LIMS1: variants seen among roughly 807,000 people sequenced by gnomAD.
LIMS1 encodes the protein LIM zinc finger domain containing 1, also known as LIM and senescent cell antigen-like-containing domain protein 1.
A neutral mutation model predicts 44.1 loss-of-function variants in LIMS1; 18 were observed. That is an observed-to-expected ratio of 0.41 (90% CI 0.28 to 0.61). LIMS1 has a LOEUF of 0.61. LIMS1 is among the 20% of genes least tolerant of loss of function. The probability of loss-of-function intolerance (pLI) is 0.32; values close to 1 mark genes in which losing one functional copy is unlikely to be tolerated. For missense variants in LIMS1, 201 were observed against 422.0 expected (o/e 0.48, Z 4.59); for synonymous variants, 93 against 149.1 (o/e 0.62, Z 2.74).
intron 2 of LIMS1, chr2:108,662,545 C>A (rs1473710370): frequency 3.2e-5 from 40 of 1,257,466 alleles, no homozygotes; most frequent in Non-Finnish European, 4.2e-5. Context: ...ACTATTTTGG[C>A]TAAATTGTTT....
At chr2:108,588,567 G>A in intron 1 of LIMS1, 1 of 985,532 alleles carries the variant, frequency 1.0e-6, no homozygotes, top group Middle Eastern at 5.2e-4. Context: ...CAAAGGAGTG[G>A]AAGTTTGAGA....
At chr2:108,600,152 C>T (rs1316044937) in intron 1 of LIMS1, among the ~76,000 whole-genome samples, 4 of 150,806 alleles carry the variant, frequency 2.7e-5, no homozygotes, top group Admixed American at 6.6e-5. Flanking sequence ...TGGGCTCAAG[C>T]GATTCTCCTG....
chr2:108,620,587 T>G (rs528808646), intron 1 of LIMS1, among the ~76,000 whole-genome samples: 5 of 152,160 alleles, frequency 3.3e-5, no homozygotes, highest in Non-Finnish European at 5.9e-5. Flanking sequence ...TACAGATAAA[T>G]ACAGGGTATA....
intron 1 of LIMS1, among the ~76,000 whole-genome samples, chr2:108,658,837 G>A (rs1178702254): frequency 4.5e-4 from 68 of 152,308 alleles, no homozygotes; most frequent in African/African-American, 1.2e-3. Flanking sequence ...TTTGAAATTC[G>A]TGGTGTAATC....
At chr2:108,555,453 G>T (rs1684895140) in intron 1 of LIMS1, among the ~76,000 whole-genome samples, 1 of 152,150 alleles carries the variant, frequency 6.6e-6, no homozygotes, top group South Asian at 2.1e-4. Context: ...ATAGTTCTGT[G>T]TGATAATAAA....
At chr2:108,593,743 A>C (rs533962962) in intron 1 of LIMS1, among the ~76,000 whole-genome samples, 1 of 152,246 alleles carries the variant, frequency 6.6e-6, no homozygotes, top group Non-Finnish European at 1.5e-5. Flanking sequence ...TGAATTTTCC[A>C]CAGATAAACC....
intron 1 of LIMS1, among the ~76,000 whole-genome samples, chr2:108,565,052 C>T (rs1189198161): frequency 6.6e-6 from 1 of 152,154 alleles, no homozygotes; most frequent in African/African-American, 2.4e-5. Context: ...TTCTCCAAGT[C>T]GGTTTCTGTC....
intron 1 of LIMS1, among the ~76,000 whole-genome samples, chr2:108,549,762 G>A (rs17036485): frequency 0.012 from 1,832 of 152,184 alleles, 44 homozygotes; most frequent in African/African-American, 0.043. Context: ...TCGTTGAGAG[G>A]AATAAACAGG....
intron 9 of LIMS1, among the ~76,000 whole-genome samples, chr2:108,682,179 T>C (rs572249151): frequency 6.6e-6 from 1 of 152,232 alleles, no homozygotes; most frequent in African/African-American, 2.4e-5. Context: ...CCAGTTTACA[T>C]GTTTCCTTCT....
Position 108,679,249 on chromosome 2 carries a change from C to T in LIMS1, c.823+1222C>T, listed in dbSNP as rs528348426. ...ATCCCAACACTTTGGGAGGCCAAGG[C>T]GGGCAGATCAACTGAGGTCAAGAGT... On this transcript the variant is annotated intron_variant, in intron 8 of 9. Coordinates refer to ENST00000544547, the Ensembl canonical transcript of LIMS1. Among the ~76,000 whole-genome samples the T allele has an allele frequency of 1.4e-3, 211 of 151,540 alleles. 1 individual carries two copies. The highest frequency in any genetic ancestry group is 5.0e-3 in the African/African-American group (205 of 41,304).
At chr2:108,645,406 G>A (rs148997220) in intron 1 of LIMS1, among the ~76,000 whole-genome samples, 5,035 of 152,104 alleles carry the variant, frequency 0.033, 288 homozygotes, top group African/African-American at 0.12. Context: ...CTTCATAAGC[G>A]AAGGAGAAAT....
At chr2:108,567,873 G>C (rs980494355) in intron 1 of LIMS1, among the ~76,000 whole-genome samples, 1 of 152,124 alleles carries the variant, frequency 6.6e-6, no homozygotes, top group African/African-American at 2.4e-5. Context: ...CACCCAGCCT[G>C]CCCTATGTTC....
chr2:108,615,358 C>T (rs1390477656), intron 1 of LIMS1, among the ~76,000 whole-genome samples: 3 of 152,110 alleles, frequency 2.0e-5, no homozygotes, highest in Non-Finnish European at 4.4e-5. Flanking sequence ...TCTATTTTGC[C>T]CTCAGGGAGG....
At chr2:108,652,532 G>A (rs1690568920) in intron 1 of LIMS1, among the ~76,000 whole-genome samples, 2 of 152,242 alleles carry the variant, frequency 1.3e-5, no homozygotes, top group South Asian at 4.1e-4. Flanking sequence ...AGGAGTGTTG[G>A]AGTGTGCAGA....
At chr2:108,589,030 T>G (rs1686243501) in intron 1 of LIMS1, among the ~76,000 whole-genome samples, 1 of 152,216 alleles carries the variant, frequency 6.6e-6, no homozygotes, top group Non-Finnish European at 1.5e-5. Context: ...ACATTAATTT[T>G]TTAAAACATT....
Position 108,673,079 on chromosome 2 carries a change from T to C in LIMS1, c.530+50T>C, listed in dbSNP as rs572919677. ...TACACAAGCAGTGGGAATGAAAGAT[T>C]ACATTTATCTATATTTCTGTTACTC... is the stretch of plus-strand genomic sequence containing the variant. On this transcript the variant is annotated intron_variant, in intron 5 of 9. Transcript: ENST00000544547. 5.9e-6 allele frequency: 7 copies of C among 1,191,920 alleles called. No individual in the cohort carries two copies. The African/African-American group carries it at 1.1e-4, about 19-fold the overall frequency. 73.8% of individuals were successfully genotyped at this position (1,191,920 alleles called of 1,614,324 possible).
chr2:108,604,609 G>A (rs1687171419), intron 1 of LIMS1, among the ~76,000 whole-genome samples: 1 of 152,186 alleles, frequency 6.6e-6, no homozygotes, highest in Non-Finnish European at 1.5e-5. Context: ...CTTAAAACAA[G>A]TCTTGCTCCT....
chr2:108,624,295 G>A (rs1688434190), intron 1 of LIMS1, among the ~76,000 whole-genome samples: 1 of 152,184 alleles, frequency 6.6e-6, no homozygotes. Flanking sequence ...TTCAAACATA[G>A]TTGTTTTTTG....
intron 1 of LIMS1, among the ~76,000 whole-genome samples, chr2:108,646,935 A>G (rs1690106528): frequency 6.6e-6 from 1 of 152,050 alleles, no homozygotes; most frequent in South Asian, 2.1e-4. Context: ...GTTAGCCAGG[A>G]TGGTCTCGAT....
Sources: allele counts gnomAD v4.1 joint callset (sites outside exome capture counted in the v4.1 genomes callset), GRCh38; gene constraint gnomAD v4.1.1; transcripts MANE v1.5; gene names NCBI Gene and HGNC (gene_info 2026-07-23, HGNC 2026-07-21).